Variants in ALPK2 observed in about 807,000 individuals in gnomAD.
ALPK2 encodes the protein alpha-protein kinase 2.
In ALPK2, 127 loss-of-function variants were observed where a neutral mutation model predicts 163.1. That is an observed-to-expected ratio of 0.78 (90% confidence interval 0.67 to 0.90). The LOEUF (loss-of-function observed/expected upper bound fraction) is 0.90, where lower values mean the gene tolerates loss of function less well. ALPK2 is among the 40% of genes least tolerant of loss of function. The pLI is 0.00. For synonymous variants in ALPK2, 953 were observed against 959.1 expected (o/e 0.99, Z 0.12); for missense variants, 2,360 against 2,589.6 (o/e 0.91, Z 1.92).
At chr18:58,485,461 C>T (rs2051333843) in intron 12 of ALPK2, among the ~76,000 whole-genome samples, 1 of 152,198 alleles carries the variant, frequency 6.6e-6, no homozygotes, top group African/African-American at 2.4e-5. Context: ...GTTATAAATC[C>T]AGCTGCCCCT....
At chr18:58,520,428 CAAAAA>C (rs61028795) in intron 8 of ALPK2, among the ~76,000 whole-genome samples, 3 of 64,386 alleles carry the variant, frequency 4.7e-5, no homozygotes, top group Non-Finnish European at 7.4e-5. Context: ...GACTCCGTCT[CAAAAA>C]AAAAAAAAAA....
At chr18:58,617,235 A>G (rs2052174635) in intron 1 of ALPK2, among the ~76,000 whole-genome samples, 1 of 152,158 alleles carries the variant, frequency 6.6e-6, no homozygotes, top group Non-Finnish European at 1.5e-5. Flanking sequence ...CGCCCAGGCT[A>G]GAGTGCAATG....
rs368026280 is a variant in ALPK2, at chr18:58,494,238, T to C, written c.6296+3811A>G. 1.8e-3 allele frequency among the ~76,000 whole-genome samples: 281 copies of C among 152,322 alleles called. 1 individual carries two copies. The highest frequency in any genetic ancestry group is 6.3e-3 in the African/African-American group (261 of 41,576). On this transcript the variant is annotated intron_variant, in intron 12 of 12. Transcript: ENST00000361673. The stretch of plus-strand genomic sequence containing the variant: ...TTACTGGATGTCAAAACAATCTTAC[T>C]TGCCATACTTTGTAACCTGAAATTT...
rs2051660150 is a variant in ALPK2 at position 58,537,615 on chromosome 18, T to C, written c.2572A>G (p.Lys858Glu). 6.2e-7 allele frequency: 1 copy of C among 1,613,498 alleles called. No homozygotes were observed. The highest frequency in any genetic ancestry group is 1.7e-5 in the Admixed American group (1 of 59,972). The change falls in exon 5 of 13, where the codon AAG (lysine) becomes GAG (glutamate). Residue 858 changes from lysine to glutamate, a missense_variant. Coordinates refer to ENST00000361673, the MANE Select transcript of ALPK2 (RefSeq NM_052947.4). ...GTCTGAAAAAAGACTTCCAGTGTCT[T>C]GTCATTAGAAGAACATAAATCAGAT... Reference protein sequence around the residue: ...KVSDLCSSNDKTLEVFFQTQV... With the variant: ...KVSDLCSSNDETLEVFFQTQV...
intron 8 of ALPK2, 68 bp downstream of exon 8, chr18:58,523,738 C>G: frequency 6.3e-7 from 1 of 1,595,316 alleles, no homozygotes; most frequent in Admixed American, 1.7e-5. Context: ...CTACTCTTTC[C>G]TCTGGGAGCT....
Position 58,536,629 on chromosome 18 carries a change from G to C in ALPK2, c.3558C>G (p.Arg1186=). ...PASSREGAGQ[R]SGWGTRVSVV... The stretch of plus-strand genomic sequence containing the variant: ...CGGAGACCCTCGTCCCCCAACCTGA[G>C]CGCTGCCCTGCTCCTTCCCTAGAGC... The change falls in exon 5 of 13, where the codon CGC becomes CGG. Residue 1186 remains arginine, a synonymous_variant. Coordinates refer to ENST00000361673, the MANE Select transcript of ALPK2 (RefSeq NM_052947.4). 6.2e-7 allele frequency: 1 copy of C among 1,614,142 alleles called. No individual in the cohort carries two copies. The highest frequency in any genetic ancestry group is 8.5e-7 in the Non-Finnish European group (1 of 1,180,024).
chr18:58,575,139 G>C (rs1267991727), intron 4 of ALPK2, among the ~76,000 whole-genome samples: 6 of 149,944 alleles, frequency 4.0e-5, no homozygotes, highest in Non-Finnish European at 7.4e-5. Context: ...CTTGAACCTG[G>C]GGGGCAGAGG....
intron 4 of ALPK2, among the ~76,000 whole-genome samples, chr18:58,557,663 T>C (rs1337174131): frequency 1.0e-5 from 1 of 98,770 alleles, no homozygotes; most frequent in Non-Finnish European, 2.0e-5. Context: ...TATACACATA[T>C]ATATACGTGT....
intron 4 of ALPK2, chr18:58,544,278 CAT>C (rs1441063637): frequency 1.3e-5 from 2 of 152,182 alleles, no homozygotes; most frequent in Admixed American, 6.5e-5. Flanking sequence ...ATTCCACAAA[CAT>C]ATTATTTTCA....
At chr18:58,505,213 A>T (rs765407803) in intron 10 of ALPK2, among the ~76,000 whole-genome samples, 1 of 152,058 alleles carries the variant, frequency 6.6e-6, no homozygotes, top group East Asian at 1.9e-4. Flanking sequence ...AGGGAGCTGG[A>T]GCGGTGATCA....
intron 12 of ALPK2, among the ~76,000 whole-genome samples, chr18:58,489,443 TGA>T (rs1407713725): frequency 1.3e-5 from 2 of 152,166 alleles, no homozygotes; most frequent in Non-Finnish European, 2.9e-5. Context: ...CCCAGCACTT[TGA>T]GAGTCCAGGG....
intron 9 of ALPK2, 47 bp downstream of exon 9, chr18:58,516,861 G>A (rs774844735): frequency 2.0e-5 from 32 of 1,586,566 alleles, no homozygotes; most frequent in Non-Finnish European, 2.7e-5. Flanking sequence ...TCTTATCATG[G>A]GTGGTTCTCA....
intron 3 of ALPK2, among the ~76,000 whole-genome samples, chr18:58,599,096 G>A (rs529755464): frequency 5.0e-4 from 76 of 152,262 alleles, no homozygotes; most frequent in African/African-American, 1.7e-3. Flanking sequence ...CACCATGGTG[G>A]GAGCAGCCAC....
chr18:58,558,575 C>A (rs1602217894), intron 4 of ALPK2, among the ~76,000 whole-genome samples: 3 of 152,332 alleles, frequency 2.0e-5, no homozygotes, highest in South Asian at 2.1e-4. Flanking sequence ...CTCTTAGGTA[C>A]TTACCCAAGA....
In ALPK2 at chr18:58,524,004, C is replaced by G. The variant is rs1444825687; in HGVS notation, c.5560G>C (p.Gly1854Arg). 6.2e-6 allele frequency: 10 copies of G among 1,614,034 alleles called. No individual in the cohort carries two copies. The highest frequency in any genetic ancestry group is 6.8e-6 in the Non-Finnish European group (8 of 1,180,022). ...AIVQASPKDQGLYYCCIKNSY... is the reference protein window; with the variant it reads ...AIVQASPKDQRLYYCCIKNSY... ...TTCTTGATGCAGCAGTAATAGAGTCCCTGGTCCTTCGGACTGGCTTGCACG... is the reference window on the plus strand; with the variant it reads ...TTCTTGATGCAGCAGTAATAGAGTCGCTGGTCCTTCGGACTGGCTTGCACG... The change falls in exon 7 of 13, where the codon GGA (glycine) becomes CGA (arginine). Residue 1854 changes from glycine (G) to arginine (R), a missense_variant. Physicochemically the swap from Gly to Arg is moderately radical, Grantham distance 125 (BLOSUM62 -2). Coordinates refer to ENST00000361673, the MANE Select transcript of ALPK2 (RefSeq NM_052947.4).
chr18:58,616,291 T>C (rs1307842657), intron 1 of ALPK2, among the ~76,000 whole-genome samples: 1 of 152,236 alleles, frequency 6.6e-6, no homozygotes, highest in African/African-American at 2.4e-5. Flanking sequence ...TGGGGCACTT[T>C]TGGCCTTGGG....
At chr18:58,610,949 C>T (rs2144231487) in intron 2 of ALPK2, among the ~76,000 whole-genome samples, 1 of 152,122 alleles carries the variant, frequency 6.6e-6, no homozygotes, top group South Asian at 2.1e-4. Context: ...CAAAAATTAG[C>T]CGGGTGTAGT....
At position 58,580,390 on chromosome 18, in the gene ALPK2, G is replaced by C. The variant is rs776066961; in HGVS notation, c.386C>G (p.Thr129Arg). ...DDRDRGWKHE[T>R]GTHEEERANQ... ...TGCCCTTTCTTCTTCATGTGTCCCT[G>C]TTTCATGTTTCCAACCCCTGTCCCT... The change falls in exon 4 of 13, where the codon ACA becomes AGA. Residue 129 changes from threonine to arginine, a missense_variant. Coordinates refer to ENST00000361673, the MANE Select transcript of ALPK2 (RefSeq NM_052947.4). 2.7e-5 allele frequency: 43 copies of C among 1,614,006 alleles called. No homozygotes were observed. Among genetic ancestry groups the C allele is most frequent in the Non-Finnish European group, 3.6e-5 (43 of 1,180,034 alleles).
chr18:58,528,644 A>G (rs2051596028), intron 6 of ALPK2: 2 of 169,828 alleles, frequency 1.2e-5, no homozygotes, highest in Non-Finnish European at 2.5e-5. Context: ...AACCTCATAG[A>G]TTGCTGTTGT....
Sources: gnomAD v4.1 joint callset for allele counts (sites outside exome capture counted in the v4.1 genomes callset) on GRCh38, gnomAD v4.1.1 for gene constraint, MANE v1.5 for transcripts, NCBI Gene and HGNC (gene_info 2026-07-23, HGNC 2026-07-21) for gene names.